Variants in RGMA observed in about 807,000 individuals in gnomAD.
The protein encoded by RGMA is repulsive guidance molecule A.
A neutral mutation model predicts 23.2 loss-of-function variants in RGMA; 10 were observed. The observed-to-expected ratio is 0.43, with a 90% CI of 0.27 to 0.73. The LOEUF (loss-of-function observed/expected upper bound fraction) is 0.73. Ranked by LOEUF, RGMA falls within the 30% of genes least tolerant of loss-of-function variation. The pLI is 0.20. For missense variants in RGMA, 547 were observed against 630.5 expected (o/e 0.87, Z 1.42); for synonymous variants, 308 against 279.3 (o/e 1.10, Z -1.03).
chr15:93,062,780 C>T (rs997845661), intron 2 of RGMA: 1 of 152,334 alleles, frequency 6.6e-6, no homozygotes, highest in African/African-American at 2.4e-5. Flanking sequence ...TCTTCCCCAT[C>T]AGAGTCCCGG....
intron 2 of RGMA, among the ~76,000 whole-genome samples, chr15:93,069,792 G>A (rs1288104532): frequency 6.6e-6 from 1 of 152,228 alleles, no homozygotes; most frequent in African/African-American, 2.4e-5. Flanking sequence ...CACACTTGGA[G>A]AACCACTGTG....
chr15:93,041,606 C>CT lies in RGMA; in HGVS notation c.*3391dup, dbSNP rs371733855. The CT allele has an allele frequency of 1.3e-5, 2 of 152,048 alleles. No individual in the cohort carries two copies. The highest frequency in any genetic ancestry group is 2.1e-4 in the South Asian group (1 of 4,830). The allele number at this position is 152,048 out of a possible 1,614,324, so 9.4% of individuals were successfully genotyped here. A position where few individuals can be genotyped will look rare whatever the true frequency, so the allele number is the denominator to read the frequency against. ...TAGCATTTTCGTCTAGTAGAGATTT[C>CT]TTTTTTCTTTTTCTTCTGTGTGCCC... On this transcript the variant is annotated 3_prime_UTR_variant, in exon 4 of 4. Transcript: ENST00000329082.
rs1237016502 is a variant in RGMA, at chr15:93,035,329, T to C, written c.*9669A>G. On this transcript the variant is annotated 3_prime_UTR_variant, in exon 4 of 4. Transcript: ENST00000329082. ...TTAAAGACAGTAAGAAAGACTTTAT[T>C]TGAGGTGGGGGGCAGTGTTGGACAG... The C allele has an allele frequency of 6.6e-6, 1 of 152,178 alleles. No individual in the cohort carries two copies. Among genetic ancestry groups the C allele is most frequent in the Non-Finnish European group, 1.5e-5 (1 of 68,090 alleles). The allele number at this position is 152,178 out of a possible 1,614,324, so 9.4% of individuals were successfully genotyped here.
chr15:93,044,884 G>A lies in RGMA; in HGVS notation c.*114C>T, dbSNP rs889327203. On this transcript the variant is annotated 3_prime_UTR_variant, in exon 4 of 4. Coordinates refer to ENST00000329082, the MANE Select transcript of RGMA (RefSeq NM_020211.3). The stretch of plus-strand genomic sequence containing the variant: ...CCCTTGGCAGCAGGCGGTCCCTGGC[G>A]TTCTGCGGGGCCATGGTGGACACGC... 7.2e-5 allele frequency: 64 copies of A among 883,632 alleles called. No homozygotes were observed. Among genetic ancestry groups the A allele is most frequent in the Admixed American group, 5.9e-4 (21 of 35,370 alleles). 54.7% of individuals were successfully genotyped at this position (883,632 alleles called of 1,614,324 possible).
intron 2 of RGMA, among the ~76,000 whole-genome samples, chr15:93,054,597 T>A (rs2054983328): frequency 1.3e-5 from 2 of 152,226 alleles, no homozygotes; most frequent in Admixed American, 1.3e-4. Context: ...CTGTCATGAT[T>A]GTGAGGCCTC....
intron 1 of RGMA, among the ~76,000 whole-genome samples, chr15:93,080,930 G>T (rs1895549698): frequency 6.6e-6 from 1 of 152,148 alleles, no homozygotes; most frequent in African/African-American, 2.4e-5. Context: ...TAAAACTCTT[G>T]TCTGAGACTT....
At chr15:93,086,414 G>A (rs1895635710) in intron 1 of RGMA, among the ~76,000 whole-genome samples, 1 of 152,164 alleles carries the variant, frequency 6.6e-6, no homozygotes, top group African/African-American at 2.4e-5. Flanking sequence ...ATCGGTGACC[G>A]TGCCTTCTTT....
At position 93,052,225 on chromosome 15, in the gene RGMA, C is replaced by A; in HGVS notation, c.413G>T (p.Arg138Leu). ...TLPPAGDSQE[R>L]SDSPEICHYE... ...ATGGCAGATCTCGGGGCTGTCCGAG[C>A]GCTCCTGGCTGTCTCCGGCCGGTGG... The change falls in exon 3 of 4, where the codon CGC becomes CTC. Residue 138 changes from arginine (R) to leucine (L), a missense_variant. Arg to Leu is a moderately radical substitution (Grantham distance 102). Transcript: ENST00000329082. The A allele has an allele frequency of 6.2e-7, 1 of 1,608,238 alleles. No individual in the cohort carries two copies. The highest frequency in any genetic ancestry group is 2.2e-5 in the East Asian group (1 of 44,692).
Position 93,045,054 on chromosome 15 carries a change from G to T in RGMA, c.1297C>A (p.Arg433=), listed in dbSNP as rs2272452. The T allele has an allele frequency of 1.3e-6, 2 of 1,572,604 alleles. No individual in the cohort carries two copies. The highest frequency in any genetic ancestry group is 2.3e-5 in the East Asian group (1 of 42,746). ...RAAAGLPLAP[R]PLLGALVPLL... is the part of the protein sequence containing the mutation. ...GGGACGAGGGCGCCCAGGAGGGGCC[G>T]GGGGGCCAGGGGCAGCCCCGCAGCC... The change falls in exon 4 of 4, where the codon CGG becomes AGG. Residue 433 remains arginine, a synonymous_variant. Coordinates refer to ENST00000329082, the MANE Select transcript of RGMA (RefSeq NM_020211.3). The surrounding 1 kb of genome is among the most constrained non-coding windows in gnomAD (Gnocchi z 6.9).
At position 93,045,072 on chromosome 15, in the gene RGMA, C is replaced by G; in HGVS notation, c.1279G>C (p.Gly427Arg). ...TRDLPGRAAA[G>R]LPLAPRPLLG... ...AGGGGCCGGGGGGCCAGGGGCAGCC[C>G]CGCAGCCGCCCTGCCTGGCAGGTCC... The change falls in exon 4 of 4, where the codon GGG (glycine) becomes CGG (arginine). Residue 427 changes from glycine (G) to arginine (R), a missense_variant. This residue lies in a region of RGMA where 205 missense variants were observed against 204.1 expected (regional missense o/e 1.00). Coordinates refer to ENST00000329082, the MANE Select transcript of RGMA (RefSeq NM_020211.3). This position sits in a 1 kb window ranked among gnomAD's most constrained non-coding sequence, Gnocchi z 6.9. 6.4e-7 allele frequency: 1 copy of G among 1,572,846 alleles called. No individual in the cohort carries two copies. The highest frequency in any genetic ancestry group is 8.6e-7 in the Non-Finnish European group (1 of 1,159,318).
Position 93,066,227 on chromosome 15 carries a change from G to A in RGMA, c.130+6689C>T, listed in dbSNP as rs751117388. Reference sequence around the variant, plus strand: ...ACAGTCTCCTCATCTCCAACGCTGCGCAGAAACTTCCTGGGCTTCTTTTAA... The same window carrying A: ...ACAGTCTCCTCATCTCCAACGCTGCACAGAAACTTCCTGGGCTTCTTTTAA... On this transcript the variant is annotated intron_variant, in intron 2 of 3. Coordinates refer to ENST00000329082, the MANE Select transcript of RGMA (RefSeq NM_020211.3). 1.7e-5 allele frequency: 24 copies of A among 1,403,844 alleles called. No individual in the cohort carries two copies. The African/African-American group carries it at 3.1e-4, about 18-fold the overall frequency. The allele number at this position is 1,403,844 out of a possible 1,614,324, so 87.0% of individuals were successfully genotyped here.
At chr15:93,052,571 T>G in intron 2 of RGMA, 64 bp from the exon 3 acceptor site, 2 of 1,471,164 alleles carry the variant, frequency 1.4e-6, no homozygotes, top group African/African-American at 1.4e-5. Context: ...TCTGCTACCA[T>G]CTGTGGGCCA....
At chr15:93,083,365 T>C (rs1895588563) in intron 1 of RGMA, among the ~76,000 whole-genome samples, 1 of 152,160 alleles carries the variant, frequency 6.6e-6, no homozygotes, top group Non-Finnish European at 1.5e-5. Context: ...TCTCACTCTA[T>C]CATCCAGGCT....
chr15:93,086,829 A>T (rs1895640887), intron 1 of RGMA, among the ~76,000 whole-genome samples: 1 of 152,212 alleles, frequency 6.6e-6, no homozygotes, highest in African/African-American at 2.4e-5. Flanking sequence ...CTATTATTAC[A>T]TACACTGGGA....
chr15:93,060,455 C>A (rs997106923), intron 2 of RGMA, among the ~76,000 whole-genome samples: 1 of 152,186 alleles, frequency 6.6e-6, no homozygotes, highest in Non-Finnish European at 1.5e-5. Flanking sequence ...CTAAACTTGT[C>A]CCGGAGCCCC....
chr15:93,054,973 G>A (rs1023840381), intron 2 of RGMA, among the ~76,000 whole-genome samples: 39 of 152,176 alleles, frequency 2.6e-4, no homozygotes, highest in Admixed American at 2.6e-3. Context: ...TGTGGTGGGG[G>A]CGTGTATGGG....
intron 2 of RGMA, among the ~76,000 whole-genome samples, chr15:93,056,209 G>A (rs1397734069): frequency 2.0e-5 from 3 of 152,352 alleles, no homozygotes; most frequent in African/African-American, 7.2e-5. Flanking sequence ...AGCCAAGCTA[G>A]TGCCTGATGG....
At chr15:93,057,403 TTCTC>T (rs141245334) in intron 2 of RGMA, among the ~76,000 whole-genome samples, 3 of 151,874 alleles carry the variant, frequency 2.0e-5, no homozygotes, top group East Asian at 3.9e-4. Context: ...ATGCTAAGCG[TTCTC>T]TCTCTCTCCC....
Position 93,073,048 on chromosome 15 carries a change from GA to G in RGMA, c.15-18del. 2 of 1,492,472 alleles carry G rather than the reference GA, an allele frequency of 1.3e-6. No individual in the cohort carries two copies. Among genetic ancestry groups the G allele is most frequent in the Non-Finnish European group, 1.8e-6 (2 of 1,128,444 alleles). 92.5% of individuals were successfully genotyped at this position (1,492,472 alleles called of 1,614,324 possible). A position where few individuals can be genotyped will look rare whatever the true frequency, so the allele number is the denominator to read the frequency against. ...AGCCTCTCCCTGGAAGAAGAGTTCA[GA>G]AAAAAAGAAGAAAATAAATCACGCT... On this transcript the variant is annotated intron_variant, in intron 1 of 3. Transcript: ENST00000329082.
Sources: allele counts gnomAD v4.1 joint callset (sites outside exome capture counted in the v4.1 genomes callset), GRCh38; gene constraint gnomAD v4.1.1; regional missense constraint gnomAD v4.1.1; non-coding constraint Gnocchi (gnomAD v3.1); transcripts MANE v1.5; gene names NCBI Gene and HGNC (gene_info 2026-07-23, HGNC 2026-07-21).